The following DNAH14 variants were observed in gnomAD, a reference collection of about 807,000 sequenced individuals.
DNAH14 encodes the protein dynein axonemal heavy chain 14.
Under a neutral mutation model 520.9 loss-of-function variants are expected in DNAH14, and 478 were observed. The observed-to-expected ratio is 0.92, with a 90% CI of 0.85 to 0.99. The LOEUF is 0.99. Among genes scored for constraint, DNAH14 ranks in the 50% least tolerant of loss-of-function variants. DNAH14 has a pLI of 0.00. For missense variants in DNAH14, 4,831 were observed against 5,234.5 expected (o/e 0.92, Z 2.38); for synonymous variants, 1,581 against 1,757.2 (o/e 0.90, Z 2.51).
chr1:224,976,925 T>C (rs1157574973), intron 8 of DNAH14, among the ~76,000 whole-genome samples: 1 of 151,476 alleles, frequency 6.6e-6, no homozygotes, highest in Non-Finnish European at 1.5e-5. Flanking sequence ...TGGAAGTCAG[T>C]GTGGCGATTC....
At chr1:225,105,807 T>A (rs1175290545) in intron 23 of DNAH14, among the ~76,000 whole-genome samples, 1 of 152,140 alleles carries the variant, frequency 6.6e-6, no homozygotes, top group Non-Finnish European at 1.5e-5. Context: ...GTTTCCTGAA[T>A]ACAGCACACT....
At chr1:225,092,177 CAA>C (rs1197306830) in intron 21 of DNAH14, among the ~76,000 whole-genome samples, 1 of 152,056 alleles carries the variant, frequency 6.6e-6, no homozygotes. Flanking sequence ...AGAAAATAAA[CAA>C]AGATATTCAG....
At chr1:225,399,029 T>A (rs1374348954) in intron 85 of DNAH14, 25 bp from the exon 86 acceptor site, 3 of 1,459,978 alleles carry the variant, frequency 2.1e-6, no homozygotes, top group Non-Finnish European at 2.8e-6. Flanking sequence ...GCAATTTGAC[T>A]ACTGGATTTT....
rs922257769 is a variant in DNAH14 at position 225,086,091 on chromosome 1, G to T, written c.3573+302G>T. On this transcript the variant is annotated intron_variant, in intron 21 of 85. Transcript: ENST00000682510. ...CAGTGTTCCCTGATAGTCCCTCACT[G>T]AGCAACCCCACGTGTGGTAATACAC... is the stretch of plus-strand genomic sequence containing the variant. Among the ~76,000 whole-genome samples, 6 of 151,356 alleles carry T rather than the reference G, an allele frequency of 4.0e-5. No homozygotes were observed. In the East Asian group the frequency reaches 9.7e-4, roughly 25 times the overall value.
chr1:225,030,275 A>G (rs2066432007), intron 11 of DNAH14, among the ~76,000 whole-genome samples: 1 of 152,004 alleles, frequency 6.6e-6, no homozygotes, highest in African/African-American at 2.4e-5. Flanking sequence ...GAGGGAATTT[A>G]TACATGTAAA....
chr1:225,060,151 C>T (rs1359118295), intron 17 of DNAH14, among the ~76,000 whole-genome samples: 3 of 151,144 alleles, frequency 2.0e-5, no homozygotes, highest in African/African-American at 7.3e-5. Flanking sequence ...TCCCTGTTAC[C>T]AATCAGATGT....
chr1:225,300,965 A>C lies in DNAH14; in HGVS notation c.8566A>C (p.Arg2856=). 6.4e-7 allele frequency: 1 copy of C among 1,551,428 alleles called. No homozygotes were observed. Among genetic ancestry groups the C allele is most frequent in the Non-Finnish European group, 8.7e-7 (1 of 1,146,840 alleles). Residue 2856 remains arginine, a synonymous_variant, in exon 56 of 86, where the codon AGA becomes CGA. Coordinates refer to ENST00000682510, the MANE Select transcript of DNAH14 (RefSeq NM_001367479.1). ...VELDSIAMKI[R]YLTEQSGHMD... ...GCTGGATTCTATTGCAATGAAAATC[A>C]GATATCTTACTGAACAATCTGGTCA...
At chr1:225,132,397 C>T (rs1179841700) in intron 27 of DNAH14, among the ~76,000 whole-genome samples, 1 of 151,896 alleles carries the variant, frequency 6.6e-6, no homozygotes, top group African/African-American at 2.4e-5. Context: ...TGTGTTGTTC[C>T]TGCCACCCCC....
intron 1 of DNAH14, among the ~76,000 whole-genome samples, chr1:224,949,816 A>G (rs2060059395): frequency 6.6e-6 from 1 of 152,144 alleles, no homozygotes; most frequent in Non-Finnish European, 1.5e-5. Context: ...TTTAGATAGC[A>G]TCTATTGACT....
At chr1:224,967,270 A>G (rs2061236010) in intron 5 of DNAH14, among the ~76,000 whole-genome samples, 161 bp from the exon 6 acceptor site, 1 of 152,130 alleles carries the variant, frequency 6.6e-6, no homozygotes, top group South Asian at 2.1e-4. Context: ...AACATTGTTT[A>G]GACATAATTT....
At chr1:225,011,123 T>A (rs1349304506) in intron 10 of DNAH14, among the ~76,000 whole-genome samples, 1 of 152,192 alleles carries the variant, frequency 6.6e-6, no homozygotes, top group Non-Finnish European at 1.5e-5. Flanking sequence ...ATCTTAGTTA[T>A]TTCTTGTCTT....
chr1:225,093,717 T>G (rs1292927091), intron 21 of DNAH14, among the ~76,000 whole-genome samples: 1 of 152,090 alleles, frequency 6.6e-6, no homozygotes, highest in Non-Finnish European at 1.5e-5. Flanking sequence ...ACCATATGAT[T>G]CTATACCTAG....
chr1:225,145,239 T>C (rs2079826978), intron 29 of DNAH14, 87 bp from the exon 30 acceptor site: 1 of 1,094,948 alleles, frequency 9.1e-7, no homozygotes, highest in Non-Finnish European at 1.3e-6. Context: ...CTCAAAAGCA[T>C]AAAGACATTT....
chr1:225,331,124 A>G lies in DNAH14; in HGVS notation c.9724-313A>G, dbSNP rs551424243. 1.9e-4 allele frequency among the ~76,000 whole-genome samples: 29 copies of G among 152,316 alleles called. No homozygotes were observed. The South Asian group carries it at 5.6e-3, about 29-fold the overall frequency. ...GAAGTTCAACCATTTTCTTAGAAAAAGAATCTAAATAAGATATAAAATTTT... is the reference window on the plus strand; with the variant it reads ...GAAGTTCAACCATTTTCTTAGAAAAGGAATCTAAATAAGATATAAAATTTT... On this transcript the variant is annotated intron_variant, in intron 64 of 85. Transcript: ENST00000682510.
At chr1:225,100,450 G>A (rs1007011659) in intron 22 of DNAH14, among the ~76,000 whole-genome samples, 1 of 152,078 alleles carries the variant, frequency 6.6e-6, no homozygotes, top group Non-Finnish European at 1.5e-5. Context: ...ACCTTATGCA[G>A]AATTTCTATA....
rs1291334855 is a variant in DNAH14 at position 224,940,675 on chromosome 1, C to T, written c.-34+10840C>T. ...TCCTAATGCTATCCCTCCCCCTTCCCCCCACCCCACAACAGGCCCCGGTGT... is the reference window on the plus strand; with the variant it reads ...TCCTAATGCTATCCCTCCCCCTTCCTCCCACCCCACAACAGGCCCCGGTGT... On this transcript the variant is annotated intron_variant, in intron 1 of 85. Transcript: ENST00000682510. 2.0e-5 allele frequency among the ~76,000 whole-genome samples: 3 copies of T among 151,890 alleles called. No homozygotes were observed. The East Asian group carries it at 5.8e-4, about 29-fold the overall frequency.
Position 225,050,248 on chromosome 1 carries a change from ATCT to A in DNAH14, c.1954_1956del (p.Phe652del). 6.5e-7 allele frequency: 1 copy of A among 1,549,178 alleles called. No homozygotes were observed. Among genetic ancestry groups the A allele is most frequent in the African/African-American group, 1.4e-5 (1 of 73,056 alleles). On this transcript the variant is annotated inframe_deletion, in exon 16 of 86. Coordinates refer to ENST00000682510, the MANE Select transcript of DNAH14 (RefSeq NM_001367479.1). ...TCTTTGCCAAGATCCCCAGCTGTCT[ATCT>A]TCATTGATTTGGTTTCAATAATGGA...
intron 42 of DNAH14, among the ~76,000 whole-genome samples, chr1:225,234,508 G>A (rs1451531103): frequency 2.6e-5 from 4 of 152,050 alleles, no homozygotes; most frequent in Non-Finnish European, 4.4e-5. Context: ...TTTTTTCATA[G>A]GATTGGTTTG....
chr1:224,998,457 G>C (rs1216107261), intron 8 of DNAH14, among the ~76,000 whole-genome samples: 1 of 152,076 alleles, frequency 6.6e-6, no homozygotes. Context: ...CACATATTTT[G>C]ATATGTTGTA....
Sources: gnomAD v4.1 joint callset for allele counts (sites outside exome capture counted in the v4.1 genomes callset) on GRCh38, gnomAD v4.1.1 for gene constraint, MANE v1.5 for transcripts, NCBI Gene and HGNC (gene_info 2026-07-23, HGNC 2026-07-21) for gene names.